Variants in ADGRG2 observed in about 807,000 individuals in gnomAD.
ADGRG2 encodes the protein G protein-coupled receptor 64.
A neutral mutation model predicts 74.1 loss-of-function variants in ADGRG2; 26 were observed. That is an observed-to-expected ratio of 0.35 (90% CI 0.26 to 0.49). The LOEUF is 0.49. Among genes scored for constraint, ADGRG2 ranks in the 20% least tolerant of loss-of-function variants. The pLI is 0.99. For missense variants in ADGRG2, 619 were observed against 763.1 expected, an observed-to-expected ratio of 0.81 and a Z score of 2.22; for synonymous variants, 296 against 295.2, an observed-to-expected ratio of 1.00 and a Z score of -0.03.
At chrX:19,078,803 G>GA (rs1453845828) in intron 2 of ADGRG2, among the ~76,000 whole-genome samples, 1 of 108,039 alleles carries the variant, frequency 9.3e-6, no homozygotes, top group Non-Finnish European at 1.9e-5. Flanking sequence ...AATAAAAACA[G>GA]AAAAAAGACA....
At chrX:19,048,106 G>A (rs1357011923) in intron 3 of ADGRG2, among the ~76,000 whole-genome samples, 1 of 111,177 alleles carries the variant, frequency 9.0e-6, no homozygotes, top group African/African-American at 3.3e-5. Flanking sequence ...CCTTCGCACA[G>A]TATCGCCCAC....
chrX:19,005,688 G>A (rs1264672770), intron 22 of ADGRG2, among the ~76,000 whole-genome samples: 1 of 109,835 alleles, frequency 9.1e-6, no homozygotes, highest in Non-Finnish European at 1.9e-5. Flanking sequence ...TGAGTAGCTG[G>A]GACTACAGGT....
intron 1 of ADGRG2, among the ~76,000 whole-genome samples, chrX:19,103,886 T>G (rs907388397): frequency 9.0e-6 from 1 of 111,260 alleles, no homozygotes; most frequent in Non-Finnish European, 1.9e-5. Flanking sequence ...AACCATAGAA[T>G]GGGGAATTTC....
upstream of ADGRG2, chrX:19,122,505 G>T (rs1224524596): frequency 9.0e-6 from 1 of 110,699 alleles, no homozygotes; most frequent in Non-Finnish European, 1.9e-5. Flanking sequence ...CCCTCTCCGG[G>T]GCTGCGGCCC....
At chrX:19,082,072 C>CAAAAAAAAAAAAAAAA (rs57534658) in intron 2 of ADGRG2, among the ~76,000 whole-genome samples, 2 of 21,208 alleles carry the variant, frequency 9.4e-5, no homozygotes, top group African/African-American at 1.4e-4. Flanking sequence ...GACCCTGTCT[C>CAAAAAAAAAAAAAAAA]AAAAAAAAAA....
rs1288056925 is a variant in ADGRG2, at chrX:19,008,056, T to C, written c.1490A>G (p.Asn497Ser). ...CTCCATGTCATGAGCTGGTAAATTA[T>C]TCATCAGCGATGAAGGAAGAGTAAT... ...GTITLPSSLM[N>S]NLPAHDMELA... is the part of the protein sequence containing the mutation. Residue 497 changes from asparagine to serine, a missense_variant, in exon 19 of 29, where the codon AAT (asparagine) becomes AGT (serine). Asn to Ser is a conservative substitution (Grantham distance 46). Coordinates refer to ENST00000379869, the MANE Select transcript of ADGRG2 (RefSeq NM_001079858.3). 1 of 1,196,786 alleles carries C rather than the reference T, an allele frequency of 8.4e-7. No individual in the cohort carries two copies. Among genetic ancestry groups the C allele is most frequent in the Non-Finnish European group, 1.1e-6 (1 of 883,794 alleles).
chrX:19,087,109 T>C (rs2061946806), intron 1 of ADGRG2, among the ~76,000 whole-genome samples: 1 of 111,894 alleles, frequency 8.9e-6, no homozygotes, highest in Non-Finnish European at 1.9e-5. Context: ...AGAGTGGTTC[T>C]AGAACCTTGT....
rs1447599719 is a variant in ADGRG2 at position 19,040,180 on chromosome X, A to C, written c.154+9T>G. 2 of 1,125,806 alleles carry C rather than the reference A, an allele frequency of 1.8e-6. No individual in the cohort carries two copies. Among genetic ancestry groups the C allele is most frequent in the East Asian group, 6.0e-5 (2 of 33,274 alleles). 92.8% of individuals were successfully genotyped at this position (1,125,806 alleles called of 1,213,427 possible). A position where few individuals can be genotyped will look rare whatever the true frequency, so the allele number is the denominator to read the frequency against. ...TGAAATTCCCCAGAGTTCTAAAAAA[A>C]CAACTTACCAGGTGGTGGTGACAAA... On this transcript the variant is annotated intron_variant, in intron 4 of 28. Coordinates refer to ENST00000379869, the MANE Select transcript of ADGRG2 (RefSeq NM_001079858.3).
At chrX:19,044,789 G>A (rs1371748407) in intron 3 of ADGRG2, among the ~76,000 whole-genome samples, 2 of 111,798 alleles carry the variant, frequency 1.8e-5, no homozygotes, top group African/African-American at 6.5e-5. Flanking sequence ...TGGGGCTGTT[G>A]CAAGGATTCT....
chrX:19,106,989 G>A (rs918725371), intron 1 of ADGRG2, among the ~76,000 whole-genome samples: 21 of 110,479 alleles, frequency 1.9e-4, no homozygotes, highest in African/African-American at 6.3e-4. Flanking sequence ...TGGTTCTGCC[G>A]GCAGTGCTGA....
chrX:19,034,786 T>C (rs773720145), intron 7 of ADGRG2: 1 of 110,126 alleles, frequency 9.1e-6, no homozygotes, highest in African/African-American at 3.3e-5. Flanking sequence ...TACAAAAAAT[T>C]AGCCAGGCGT....
At chrX:19,082,072 C>CAAA (rs57534658) in intron 2 of ADGRG2, among the ~76,000 whole-genome samples, 353 of 21,154 alleles carry the variant, frequency 0.017, 39 homozygotes, top group East Asian at 0.059. Flanking sequence ...GACCCTGTCT[C>CAAA]AAAAAAAAAA....
At chrX:19,041,032 GTA>G (rs1236992383) in intron 3 of ADGRG2, among the ~76,000 whole-genome samples, 2 of 110,121 alleles carry the variant, frequency 1.8e-5, no homozygotes, top group South Asian at 3.8e-4. Context: ...ATGTTTATAT[GTA>G]TATATATGTA....
chrX:19,048,367 T>A (rs2061239529), intron 3 of ADGRG2, among the ~76,000 whole-genome samples: 1 of 112,443 alleles, frequency 8.9e-6, no homozygotes, highest in Non-Finnish European at 1.9e-5. Context: ...TATTAGCTCA[T>A]TTAGCCCTCA....
chrX:19,012,752 G>A (rs2060383531), intron 16 of ADGRG2, among the ~76,000 whole-genome samples: 1 of 110,954 alleles, frequency 9.0e-6, no homozygotes, highest in Non-Finnish European at 1.9e-5. Context: ...GCTGGCACCA[G>A]GGTGGAGGAG....
At chrX:19,041,174 ATTG>A (rs1204737708) in intron 3 of ADGRG2, among the ~76,000 whole-genome samples, 2 of 112,011 alleles carry the variant, frequency 1.8e-5, no homozygotes, top group South Asian at 7.4e-4. Context: ...TAGCACTTCA[ATTG>A]TTGTATGTAC....
At chrX:19,019,013 T>A (rs1479482953) in intron 15 of ADGRG2, among the ~76,000 whole-genome samples, 3 of 111,110 alleles carry the variant, frequency 2.7e-5, no homozygotes, top group Non-Finnish European at 5.7e-5. Flanking sequence ...CGGCTAATTT[T>A]TTTTTGTATT....
In ADGRG2 at chrX:19,053,241, C is replaced by T. The variant is rs777059551; in HGVS notation, c.119-13017G>A. ...AGTGGGAAGGCCAGAGAGTAAGCTA[C>T]AGGGGTACATTGGGCAAGACACGAT... On this transcript the variant is annotated intron_variant, in intron 3 of 28. Coordinates refer to ENST00000379869, the MANE Select transcript of ADGRG2 (RefSeq NM_001079858.3). Among the ~76,000 whole-genome samples the T allele has an allele frequency of 2.7e-5, 3 of 110,785 alleles. No individual in the cohort carries two copies. The South Asian group carries it at 1.2e-3, about 43-fold the overall frequency.
At chrX:19,009,284 T>C (rs2060301545) in intron 18 of ADGRG2, among the ~76,000 whole-genome samples, 1 of 109,735 alleles carries the variant, frequency 9.1e-6, no homozygotes, top group Non-Finnish European at 1.9e-5. Context: ...TTCAAGCAAT[T>C]CTCCTGCCTC....
Sources: allele counts gnomAD v4.1 joint callset (sites outside exome capture counted in the v4.1 genomes callset), GRCh38; gene constraint gnomAD v4.1.1; transcripts MANE v1.5; gene names NCBI Gene and HGNC (gene_info 2026-07-23, HGNC 2026-07-21).